LRRIQ3: variants seen among roughly 807,000 people sequenced by gnomAD.
LRRIQ3 encodes the protein leucine-rich repeat and IQ domain-containing protein 3.
A neutral mutation model predicts 59.3 loss-of-function variants in LRRIQ3; 75 were observed. That is an observed-to-expected ratio of 1.26 (90% CI 1.05 to 1.53). LRRIQ3 has a LOEUF of 1.53. LRRIQ3 is among the 40% of genes most tolerant of loss of function. The probability of loss-of-function intolerance (pLI) is 0.00; values close to 1 mark genes in which losing one functional copy is unlikely to be tolerated. For synonymous variants in LRRIQ3, 250 were observed against 231.3 expected (o/e 1.08, Z -0.73); for missense variants, 831 against 710.0 (o/e 1.17, Z -1.94).
intron 4 of LRRIQ3, among the ~76,000 whole-genome samples, chr1:74,143,788 T>C (rs1647381832): frequency 6.6e-6 from 1 of 151,588 alleles, no homozygotes; most frequent in Non-Finnish European, 1.5e-5. Flanking sequence ...CCCAGGTAGC[T>C]AAGGTAACTA....
intron 5 of LRRIQ3, among the ~76,000 whole-genome samples, chr1:74,081,690 T>C (rs1053446872): frequency 6.6e-6 from 1 of 151,586 alleles, no homozygotes; most frequent in African/African-American, 2.4e-5. Flanking sequence ...AATTTTTGTT[T>C]ACGTTTCAAT....
intron 1 of LRRIQ3, among the ~76,000 whole-genome samples, chr1:74,184,667 C>G (rs1570276966): frequency 6.6e-6 from 1 of 152,100 alleles, no homozygotes; most frequent in African/African-American, 2.4e-5. Context: ...AAGGCAGATT[C>G]ATGGGCCCCA....
Position 74,041,538 on chromosome 1 carries a change from T to C in LRRIQ3, c.1393A>G (p.Lys465Glu), listed in dbSNP as rs1654044912. 6.2e-7 allele frequency: 1 copy of C among 1,611,230 alleles called. No homozygotes were observed. The highest frequency in any genetic ancestry group is 1.3e-5 in the African/African-American group (1 of 74,742). ...VAVNEHLNQK[K>E]YATQKLIEEN... ...TCAATTAGTTTTTGTGTAGCATATTTTTTCTGATTCAAATGTTCATTAACA... is the reference window on the plus strand; with the variant it reads ...TCAATTAGTTTTTGTGTAGCATATTCTTTCTGATTCAAATGTTCATTAACA... The change falls in exon 7 of 8, where the codon AAA (lysine) becomes GAA (glutamate). Residue 465 changes from lysine (K) to glutamate (E), a missense_variant. Transcript: ENST00000354431.
intron 5 of LRRIQ3, 187 bp downstream of exon 5, chr1:74,109,207 G>T: frequency 1.9e-6 from 1 of 523,556 alleles, no homozygotes; most frequent in South Asian, 2.0e-5. Context: ...TACTATAGAT[G>T]CACCACAAAA....
chr1:74,197,693 G>A (rs1651294044), intron 1 of LRRIQ3, among the ~76,000 whole-genome samples: 1 of 152,082 alleles, frequency 6.6e-6, no homozygotes, highest in South Asian at 2.1e-4. Context: ...ACAGAGGGGT[G>A]GGGTGGCTCA....
At chr1:74,055,065 T>C (rs1174185918) in intron 6 of LRRIQ3, among the ~76,000 whole-genome samples, 2 of 148,084 alleles carry the variant, frequency 1.4e-5, no homozygotes, top group Non-Finnish European at 3.0e-5. Context: ...ATTAAGTGTG[T>C]AATCCAGTGG....
chr1:74,041,614 T>C lies in LRRIQ3; in HGVS notation c.1317A>G (p.Lys439=). Residue 439 remains lysine, a synonymous_variant, in exon 7 of 8, where the codon AAA becomes AAG. Transcript: ENST00000354431. ...CTTGTGCCATGGCTACAACTCTTAC[T>C]TTTTCTTTATGGTATTCCTGCTTCT... ...EQKKQEYHKE[K]VRVVAMAQVA... is the part of the protein sequence containing the mutation. 1.2e-6 allele frequency: 2 copies of C among 1,613,828 alleles called. No homozygotes were observed. Among genetic ancestry groups the C allele is most frequent in the Non-Finnish European group, 1.7e-6 (2 of 1,179,864 alleles).
chr1:74,040,207 A>G (rs934881755), intron 7 of LRRIQ3, among the ~76,000 whole-genome samples: 1 of 152,220 alleles, frequency 6.6e-6, no homozygotes, highest in Non-Finnish European at 1.5e-5. Flanking sequence ...GCATTACATA[A>G]TGGTAAAGAG....
intron 4 of LRRIQ3, among the ~76,000 whole-genome samples, chr1:74,114,781 T>A (rs1646755207): frequency 6.7e-6 from 1 of 149,164 alleles, no homozygotes; most frequent in African/African-American, 2.5e-5. Flanking sequence ...AAACATACAA[T>A]TAAAAATCAA....
At chr1:74,081,394 ACTAAG>A (rs1646271854) in intron 5 of LRRIQ3, among the ~76,000 whole-genome samples, 1 of 151,638 alleles carries the variant, frequency 6.6e-6, no homozygotes, top group African/African-American at 2.4e-5. Flanking sequence ...GTCTATCTTT[ACTAAG>A]ATTGGAGGCA....
chr1:74,099,144 T>C (rs536451526), intron 5 of LRRIQ3, among the ~76,000 whole-genome samples: 2 of 151,958 alleles, frequency 1.3e-5, no homozygotes, highest in South Asian at 2.1e-4. Context: ...ATCAATAAAA[T>C]TGATAGACCA....
intron 5 of LRRIQ3, among the ~76,000 whole-genome samples, chr1:74,088,115 C>A (rs906571141): frequency 1.5e-4 from 22 of 149,702 alleles, no homozygotes; most frequent in Non-Finnish European, 3.1e-4. Flanking sequence ...AAAAACAAAA[C>A]AAAAAAAAAC....
At chr1:74,112,792 G>C (rs1646719402) in intron 4 of LRRIQ3, among the ~76,000 whole-genome samples, 1 of 152,104 alleles carries the variant, frequency 6.6e-6, no homozygotes, top group South Asian at 2.1e-4. Context: ...CACTAAAATA[G>C]TCCAGCCAAA....
In LRRIQ3 at chr1:74,074,789, T is replaced by C. The variant is rs1247150928; in HGVS notation, c.869A>G (p.Asn290Ser). Residue 290 changes from asparagine (N) to serine (S), a missense_variant and splice_region_variant, in exon 6 of 8, where the codon AAT (asparagine) becomes AGT (serine). Coordinates refer to ENST00000354431, the MANE Select transcript of LRRIQ3 (RefSeq NM_001105659.2). ...IKGKLAYWKH[N>S]IYYPVDLKNS... ...TTTTAAATCAACAGGATAATATATA[T>C]TCTGTGAAAATAAAATAAAAGCAAT... The C allele has an allele frequency of 1.5e-6, 2 of 1,304,864 alleles. No homozygotes were observed. Among genetic ancestry groups the C allele is most frequent in the Non-Finnish European group, 2.1e-6 (2 of 971,192 alleles). 80.8% of individuals were successfully genotyped at this position (1,304,864 alleles called of 1,614,324 possible). A position where few individuals can be genotyped will look rare whatever the true frequency, so the allele number is the denominator to read the frequency against.
chr1:74,044,326 A>T (rs1441710072), intron 6 of LRRIQ3, among the ~76,000 whole-genome samples: 1 of 151,924 alleles, frequency 6.6e-6, no homozygotes. Flanking sequence ...CATGGGGTAG[A>T]CCCCTCATGA....
At chr1:74,142,547 A>G (rs1234672937) in intron 4 of LRRIQ3, among the ~76,000 whole-genome samples, 2 of 152,016 alleles carry the variant, frequency 1.3e-5, no homozygotes, top group African/African-American at 4.8e-5. Context: ...AAGCCTATGT[A>G]AAGGTAACAG....
chr1:74,086,035 ACT>A (rs1036588469), intron 5 of LRRIQ3, among the ~76,000 whole-genome samples: 1 of 151,666 alleles, frequency 6.6e-6, no homozygotes, highest in African/African-American at 2.4e-5. Context: ...CAGAGACCCC[ACT>A]CTCTTTCCAG....
intron 7 of LRRIQ3, among the ~76,000 whole-genome samples, chr1:74,031,499 A>T (rs1253512144): frequency 6.6e-6 from 1 of 152,026 alleles, no homozygotes; most frequent in Non-Finnish European, 1.5e-5. Flanking sequence ...ATTCTCAGCA[A>T]ACTATCACAA....
chr1:74,036,570 C>T (rs1173566759), intron 7 of LRRIQ3, among the ~76,000 whole-genome samples: 1 of 152,116 alleles, frequency 6.6e-6, no homozygotes, highest in Non-Finnish European at 1.5e-5. Context: ...CAGCCATAAA[C>T]CCATTAATGT....
Sources: gnomAD v4.1 joint callset for allele counts (sites outside exome capture counted in the v4.1 genomes callset) on GRCh38, gnomAD v4.1.1 for gene constraint, MANE v1.5 for transcripts, NCBI Gene and HGNC (gene_info 2026-07-23, HGNC 2026-07-21) for gene names.